Variants in ZNF521 observed in about 807,000 individuals in gnomAD.
ZNF521 encodes LYST-interacting protein 3.
In ZNF521, 14 loss-of-function variants were observed where a neutral mutation model predicts 105.5. The observed-to-expected ratio is 0.13, with a 90% CI of 0.09 to 0.21. The LOEUF (loss-of-function observed/expected upper bound fraction) is 0.21, where lower values mean the gene tolerates loss of function less well. Among genes scored for constraint, ZNF521 ranks in the 10% least tolerant of loss-of-function variants. The pLI, the probability that ZNF521 is intolerant of heterozygous loss-of-function variation, is 1.00. For missense variants in ZNF521, 1,233 were observed against 1,629.7 expected, an observed-to-expected ratio of 0.76 and a Z score of 4.19; for synonymous variants, 635 against 606.0, an observed-to-expected ratio of 1.05 and a Z score of -0.70.
rs186885535 is a variant in ZNF521, at chr18:25,169,247, G to A, written c.3658+25913C>T. 2.2e-4 allele frequency among the ~76,000 whole-genome samples: 33 copies of A among 152,164 alleles called. 1 individual carries two copies. The highest frequency in any genetic ancestry group is 7.7e-4 in the African/African-American group (32 of 41,526). On this transcript the variant is annotated intron_variant, in intron 5 of 7. Coordinates refer to ENST00000361524, the MANE Select transcript of ZNF521 (RefSeq NM_015461.3). ...TTTGGACATCTATTATTTTCCTATT[G>A]CTTTACTGTTTTTAAGGAACTTTAA... is the stretch of plus-strand genomic sequence containing the variant.
intron 5 of ZNF521, among the ~76,000 whole-genome samples, chr18:25,126,724 C>A (rs4275929): frequency 0.66 from 100,113 of 151,918 alleles, 33,370 homozygotes; most frequent in South Asian, 0.76. Flanking sequence ...AAATCTTGGA[C>A]ATCAGGAGAA....
intron 5 of ZNF521, among the ~76,000 whole-genome samples, chr18:25,181,183 C>T (rs1256687049): frequency 6.6e-6 from 1 of 152,210 alleles, no homozygotes; most frequent in African/African-American, 2.4e-5. Flanking sequence ...CTCATCTAAA[C>T]TGAGCCTATG....
intron 5 of ZNF521, among the ~76,000 whole-genome samples, chr18:25,150,874 CT>C (rs1274429058): frequency 1.4e-5 from 2 of 147,502 alleles, no homozygotes; most frequent in Admixed American, 7.0e-5. Context: ...GGCTCCAGCT[CT>C]TTTTTTTTCT....
At chr18:25,077,604 C>A (rs1055527014) in intron 7 of ZNF521, among the ~76,000 whole-genome samples, 1 of 152,026 alleles carries the variant, frequency 6.6e-6, no homozygotes, top group African/African-American at 2.4e-5. Context: ...AACGTCCATG[C>A]GTTATGTTTC....
intron 5 of ZNF521, among the ~76,000 whole-genome samples, chr18:25,153,613 C>G (rs990816971): frequency 5.9e-5 from 9 of 152,230 alleles, no homozygotes; most frequent in Non-Finnish European, 1.5e-5. Flanking sequence ...ATCTGGGAAA[C>G]TGCACTGCGG....
At chr18:25,325,938 T>C (rs1913190901) in intron 2 of ZNF521, among the ~76,000 whole-genome samples, 1 of 152,224 alleles carries the variant, frequency 6.6e-6, no homozygotes, top group Non-Finnish European at 1.5e-5. Context: ...TAAGAATTGT[T>C]ATTGCTATAA....
At chr18:25,341,381 T>A (rs1914192300) in intron 2 of ZNF521, among the ~76,000 whole-genome samples, 1 of 152,174 alleles carries the variant, frequency 6.6e-6, no homozygotes, top group African/African-American at 2.4e-5. Flanking sequence ...TCATACACAT[T>A]CTCCAAGAAC....
intron 5 of ZNF521, among the ~76,000 whole-genome samples, chr18:25,147,689 A>AG (rs1266022269): frequency 6.6e-6 from 1 of 152,220 alleles, no homozygotes; most frequent in Non-Finnish European, 1.5e-5. Flanking sequence ...TCAGAGAAAC[A>AG]GGGCTGCTTG....
At chr18:25,133,887 G>C (rs1029614987) in intron 5 of ZNF521, among the ~76,000 whole-genome samples, 1 of 151,982 alleles carries the variant, frequency 6.6e-6, no homozygotes, top group Non-Finnish European at 1.5e-5. Context: ...GCCTGCAATA[G>C]AATATAGCTC....
intron 1 of ZNF521, chr18:25,351,490 T>C (rs1211150797): frequency 7.0e-6 from 1 of 143,794 alleles, no homozygotes; most frequent in Non-Finnish European, 1.5e-5. Flanking sequence ...CAAATAACAC[T>C]GATTTGTTTA....
intron 7 of ZNF521, among the ~76,000 whole-genome samples, chr18:25,085,794 A>G (rs1334253881): frequency 6.6e-6 from 1 of 151,972 alleles, no homozygotes; most frequent in African/African-American, 2.4e-5. Context: ...TCTATCCACA[A>G]AAAAATGCTT....
Position 25,062,680 on chromosome 18 carries a change from A to C in ZNF521, c.*32T>G, listed in dbSNP as rs200500027. The C allele has an allele frequency of 6.3e-7, 1 of 1,585,528 alleles. No individual in the cohort carries two copies. Among genetic ancestry groups the C allele is most frequent in the East Asian group, 2.3e-5 (1 of 42,704 alleles). On this transcript the variant is annotated 3_prime_UTR_variant, in exon 8 of 8. Transcript: ENST00000361524. ...AAACATGTTCCCTTTTTGTGCCACAAAATCAATTCTCCTTGAGAGACTGTA... is the reference window on the plus strand; with the variant it reads ...AAACATGTTCCCTTTTTGTGCCACACAATCAATTCTCCTTGAGAGACTGTA...
intron 5 of ZNF521, among the ~76,000 whole-genome samples, chr18:25,172,791 C>G (rs1406261982): frequency 6.6e-6 from 1 of 152,160 alleles, no homozygotes. Flanking sequence ...TAAATCTTCC[C>G]TTAAAGTCTC....
intron 4 of ZNF521, among the ~76,000 whole-genome samples, chr18:25,196,644 TAAATCTAACACGGAC>T (rs908070369): frequency 6.6e-6 from 1 of 151,790 alleles, no homozygotes; most frequent in Non-Finnish European, 1.5e-5. Flanking sequence ...GTGCTGAATC[TAAATCTAACACGGAC>T]TTCAAACACC....
At chr18:25,328,810 C>T (rs1455495072) in intron 2 of ZNF521, among the ~76,000 whole-genome samples, 1 of 152,162 alleles carries the variant, frequency 6.6e-6, no homozygotes, top group African/African-American at 2.4e-5. Flanking sequence ...CCTCAGCCTC[C>T]CAAAGTGCTG....
chr18:25,167,665 T>C (rs1313267792), intron 5 of ZNF521, among the ~76,000 whole-genome samples: 1 of 152,190 alleles, frequency 6.6e-6, no homozygotes, highest in Non-Finnish European at 1.5e-5. Flanking sequence ...TGCATGAGTA[T>C]TCTAGCTACC....
chr18:25,167,448 T>C (rs1474599414), intron 5 of ZNF521, among the ~76,000 whole-genome samples: 1 of 152,122 alleles, frequency 6.6e-6, no homozygotes, highest in Non-Finnish European at 1.5e-5. Flanking sequence ...TCCAGTAAAA[T>C]TGGAAGACAC....
At chr18:25,327,846 T>C (rs1028774991) in intron 2 of ZNF521, among the ~76,000 whole-genome samples, 1 of 152,104 alleles carries the variant, frequency 6.6e-6, no homozygotes, top group African/African-American at 2.4e-5. Flanking sequence ...TTTATTACTG[T>C]CAACTAAAGG....
chr18:25,308,641 T>A (rs1292470530), intron 3 of ZNF521, among the ~76,000 whole-genome samples: 1 of 131,704 alleles, frequency 7.6e-6, no homozygotes, highest in Non-Finnish European at 1.5e-5. Context: ...AAGTTGGCCT[T>A]AATGACATCC....
Sources: gnomAD v4.1 joint callset for allele counts (sites outside exome capture counted in the v4.1 genomes callset) on GRCh38, gnomAD v4.1.1 for gene constraint, MANE v1.5 for transcripts, NCBI Gene and HGNC (gene_info 2026-07-23, HGNC 2026-07-21) for gene names.